The following SEMA4B variants were observed in gnomAD, a reference collection of about 807,000 sequenced individuals.
SEMA4B encodes semaphorin-4B.
In SEMA4B, 55 loss-of-function variants were observed where a neutral mutation model predicts 88.1. The observed-to-expected ratio is 0.62, with a 90% CI of 0.50 to 0.78. The LOEUF is 0.78. Among genes scored for constraint, SEMA4B ranks in the 30% least tolerant of loss-of-function variants. SEMA4B has a pLI of 0.00. For missense variants in SEMA4B, 1,062 were observed against 1,111.9 expected (o/e 0.96, Z 0.64); for synonymous variants, 525 against 473.6 (o/e 1.11, Z -1.41).
chr15:90,192,234 G>A (rs1416733805), intron 1 of SEMA4B, among the ~76,000 whole-genome samples: 5 of 152,318 alleles, frequency 3.3e-5, no homozygotes, highest in East Asian at 1.9e-4. Context: ...TTGGCAGGAG[G>A]CCCCTCCCCC....
In SEMA4B at chr15:90,223,821, G is replaced by C. The variant is rs913323534; in HGVS notation, c.1044-17G>C. 6.2e-7 allele frequency: 1 copy of C among 1,613,338 alleles called. No homozygotes were observed. Among genetic ancestry groups the C allele is most frequent in the Non-Finnish European group, 8.5e-7 (1 of 1,179,538 alleles). On this transcript the variant is annotated splice_polypyrimidine_tract_variant and intron_variant, in intron 8 of 13. Coordinates refer to ENST00000411539, the MANE Select transcript of SEMA4B (RefSeq NM_198925.4). ...GCCCCCAGGGCTCCTGGGTTAATCTGGTTATTTCCTCTGCAGGCACAGGGG... is the reference window on the plus strand; with the variant it reads ...GCCCCCAGGGCTCCTGGGTTAATCTCGTTATTTCCTCTGCAGGCACAGGGG...
upstream of SEMA4B, among the ~76,000 whole-genome samples, chr15:90,200,603 T>C (rs943778804): frequency 6.6e-6 from 1 of 152,120 alleles, no homozygotes; most frequent in Non-Finnish European, 1.5e-5. Context: ...CCAGGAGGAT[T>C]AGGGGTGGGT....
upstream of SEMA4B, chr15:90,201,252 C>T (rs1182820738): frequency 2.0e-6 from 2 of 1,011,738 alleles, no homozygotes; most frequent in Non-Finnish European, 1.2e-6. Context: ...GCTGCCAGCG[C>T]CCGGGAAGGA....
chr15:90,228,326 G>C lies in SEMA4B; in HGVS notation c.2197G>C (p.Val733Leu), dbSNP rs768193472. The C allele has an allele frequency of 3.7e-6, 6 of 1,600,026 alleles. No individual in the cohort carries two copies. Among genetic ancestry groups the C allele is most frequent in the Admixed American group, 3.4e-5 (2 of 58,698 alleles). Residue 733 changes from valine to leucine, a missense_variant, in exon 14 of 14, where the codon GTT becomes CTT. Val to Leu is a conservative substitution (Grantham distance 32, BLOSUM62 1). Transcript: ENST00000411539. ...CTTTGTGCTGGCCGTGCTGCTCCCAGTTTTATTCTTGCTCTACCGGCACCG... is the reference window on the plus strand; with the variant it reads ...CTTTGTGCTGGCCGTGCTGCTCCCACTTTTATTCTTGCTCTACCGGCACCG... ...TLFVLAVLLP[V>L]LFLLYRHRNS...
At chr15:90,214,404 G>A (rs1304875602) in intron 1 of SEMA4B, among the ~76,000 whole-genome samples, 8 of 151,318 alleles carry the variant, frequency 5.3e-5, no homozygotes, top group Admixed American at 2.6e-4. Flanking sequence ...TTGGGAGGCC[G>A]AGGCGGGTGG....
In SEMA4B at chr15:90,228,257, G is replaced by A. The variant is rs766614067; in HGVS notation, c.2128G>A (p.Ala710Thr). 5 of 1,595,320 alleles carry A rather than the reference G, an allele frequency of 3.1e-6. No individual in the cohort carries two copies. Among genetic ancestry groups the A allele is most frequent in the Non-Finnish European group, 4.3e-6 (5 of 1,169,904 alleles). Residue 710 changes from alanine (A) to threonine (T), a missense_variant, in exon 14 of 14, where the codon GCA (alanine) becomes ACA (threonine). Coordinates refer to ENST00000411539, the MANE Select transcript of SEMA4B (RefSeq NM_198925.4). Reference sequence around the variant, plus strand: ...AGCTGGTGGCAAGGCCAGCTGGGGTGCAGACAGGTCCTACTGGAAGGAGTT... The same window carrying A: ...AGCTGGTGGCAAGGCCAGCTGGGGTACAGACAGGTCCTACTGGAAGGAGTT... ...APAGGKASWG[A>T]DRSYWKEFLV...
In SEMA4B at chr15:90,201,670, T is replaced by A; in HGVS notation, c.92T>A (p.Leu31Gln). 1 of 1,515,086 alleles carries A rather than the reference T, an allele frequency of 6.6e-7. No homozygotes were observed. The highest frequency in any genetic ancestry group is 8.8e-7 in the Non-Finnish European group (1 of 1,138,718). 93.9% of individuals were successfully genotyped at this position (1,515,086 alleles called of 1,614,324 possible). Residue 31 changes from leucine (L) to glutamine (Q), a missense_variant, in exon 1 of 14, where the codon CTG becomes CAG. Physicochemically the swap from Leu to Gln is moderately radical, Grantham distance 113 (BLOSUM62 -2). Coordinates refer to ENST00000411539, the MANE Select transcript of SEMA4B (RefSeq NM_198925.4). Reference sequence around the variant, plus strand: ...CCACCGCTGCTGCTGCTCCTGCTGCTGCTGCTCCTGCTGCAGCCGCCGCCT... The same window carrying A: ...CCACCGCTGCTGCTGCTCCTGCTGCAGCTGCTCCTGCTGCAGCCGCCGCCT... ...PRPPLLLLLL[L>Q]LLLLQPPPPT...
At chr15:90,206,004 C>A (rs148704307) in intron 1 of SEMA4B, among the ~76,000 whole-genome samples, 1 of 152,362 alleles carries the variant, frequency 6.6e-6, no homozygotes, top group East Asian at 1.9e-4. Context: ...CCACATCCAG[C>A]TGGTGTTGAA....
intron 5 of SEMA4B, 38 bp downstream of exon 5, chr15:90,221,131 A>G (rs745652092): frequency 3.5e-6 from 5 of 1,417,302 alleles, no homozygotes; most frequent in Admixed American, 1.9e-5. Context: ...TTGAGGTTCC[A>G]TGTAGGGGCA....
chr15:90,188,216 C>T (rs1288346233), intron 1 of SEMA4B, among the ~76,000 whole-genome samples: 2 of 151,776 alleles, frequency 1.3e-5, no homozygotes, highest in Non-Finnish European at 2.9e-5. Context: ...CTATCCAGGG[C>T]GCTGAGGTAG....
intron 9 of SEMA4B, among the ~76,000 whole-genome samples, chr15:90,224,672 C>T (rs1326217308): frequency 6.6e-6 from 1 of 152,128 alleles, no homozygotes; most frequent in Non-Finnish European, 1.5e-5. Flanking sequence ...GTGAAGGGTG[C>T]AGAGGAGCAG....
intron 1 of SEMA4B, among the ~76,000 whole-genome samples, chr15:90,204,593 C>T (rs990836032): frequency 3.9e-5 from 6 of 152,096 alleles, no homozygotes; most frequent in East Asian, 3.9e-4. Context: ...GGTTCTCTTG[C>T]GTTGGAACTA....
Position 90,228,795 on chromosome 15 carries a change from C to T in SEMA4B, c.*152C>T. ...TGGGGCCAGCTGGCCTGCTGCTCTC[C>T]AGTCAAGTAGCGAAGCTCCTACCAC... On this transcript the variant is annotated 3_prime_UTR_variant, in exon 14 of 14. Coordinates refer to ENST00000411539, the MANE Select transcript of SEMA4B (RefSeq NM_198925.4). 1.9e-6 allele frequency: 2 copies of T among 1,037,952 alleles called. No individual in the cohort carries two copies. 64.3% of individuals were successfully genotyped at this position (1,037,952 alleles called of 1,614,324 possible). A position where few individuals can be genotyped will look rare whatever the true frequency, so the allele number is the denominator to read the frequency against.
intron 1 of SEMA4B, among the ~76,000 whole-genome samples, chr15:90,186,951 A>T (rs1259673663): frequency 5.3e-5 from 8 of 152,196 alleles, no homozygotes; most frequent in African/African-American, 1.7e-4. Context: ...ATAATAATAA[A>T]AAACAAAAAA....
At chr15:90,222,801 C>T (rs1375778622) in intron 7 of SEMA4B, among the ~76,000 whole-genome samples, 5 of 151,814 alleles carry the variant, frequency 3.3e-5, no homozygotes, top group Non-Finnish European at 7.4e-5. Context: ...TATTAATCCA[C>T]GCAAAGCTCT....
At chr15:90,201,770 G>A (rs1186862704) in intron 1 of SEMA4B, 35 bp downstream of exon 1, 1 of 1,382,376 alleles carries the variant, frequency 7.2e-7, no homozygotes, top group Non-Finnish European at 9.3e-7. Context: ...CGGGCCGGGG[G>A]AAGGAAGGCT....
chr15:90,214,476 A>G (rs1367303653), intron 1 of SEMA4B, among the ~76,000 whole-genome samples: 1 of 151,712 alleles, frequency 6.6e-6, no homozygotes, highest in African/African-American at 2.4e-5. Context: ...CGTCTCTACT[A>G]AAAATACTTT....
At chr15:90,210,608 G>A (rs1375319465) in intron 1 of SEMA4B, among the ~76,000 whole-genome samples, 1 of 152,212 alleles carries the variant, frequency 6.6e-6, no homozygotes, top group African/African-American at 2.4e-5. Context: ...AGGATGACAT[G>A]ACTTAATCCG....
chr15:90,190,843 G>A (rs943944959), intron 1 of SEMA4B, among the ~76,000 whole-genome samples: 9 of 152,050 alleles, frequency 5.9e-5, no homozygotes, highest in East Asian at 1.9e-4. Context: ...AGGTACCATC[G>A]TGACTCATTG....
Sources: allele counts gnomAD v4.1 joint callset (sites outside exome capture counted in the v4.1 genomes callset), GRCh38; gene constraint gnomAD v4.1.1; transcripts MANE v1.5; gene names NCBI Gene and HGNC (gene_info 2026-07-23, HGNC 2026-07-21).